The following OXTR variants were observed in gnomAD, a reference collection of about 807,000 sequenced individuals.
OXTR encodes oxytocin receptor.
Under a neutral mutation model 23.9 loss-of-function variants are expected in OXTR, and 19 were observed. The observed-to-expected ratio is 0.80, with a 90% confidence interval of 0.56 to 1.17. The LOEUF (loss-of-function observed/expected upper bound fraction) is 1.17. Ranked by LOEUF, OXTR falls within the 50% of genes most tolerant of loss-of-function variation. The probability of loss-of-function intolerance (pLI) is 0.00; values close to 1 mark genes in which losing one functional copy is unlikely to be tolerated. For synonymous variants in OXTR, 278 were observed against 250.5 expected (o/e 1.11, Z -1.04); for missense variants, 500 against 550.7 (o/e 0.91, Z 0.92).
chr3:8,742,808 T>C, the OXTR span, among the ~76,000 whole-genome samples: 2 of 152,242 alleles, frequency 1.3e-5, no homozygotes, highest in Non-Finnish European at 1.5e-5. Flanking sequence ...GGTGGATAGA[T>C]GGATAGATGA....
intron 3 of OXTR, among the ~76,000 whole-genome samples, chr3:8,765,112 G>A (rs1277012772): frequency 6.6e-6 from 1 of 152,258 alleles, no homozygotes; most frequent in Non-Finnish European, 1.5e-5. Context: ...CAGGATCTGT[G>A]TGTGTCTGTT....
chr3:8,748,847 C>CATAGA (rs1383399265), downstream of OXTR, among the ~76,000 whole-genome samples: 1 of 152,186 alleles, frequency 6.6e-6, no homozygotes, highest in East Asian at 1.9e-4. Flanking sequence ...AGTGGCAACA[C>CATAGA]ATAGACTCAA....
At chr3:8,742,665 G>C in the OXTR span, 1 of 383,172 alleles carries the variant, frequency 2.6e-6, no homozygotes, top group African/African-American at 2.1e-5. Context: ...ATTGTGCTAA[G>C]CACTGCTCAA....
At position 8,758,405 on chromosome 3, in the gene OXTR, C is replaced by T. The variant is rs151308446; in HGVS notation, c.923-5181G>A. ...AAGATCGGCTGAGTCAAAGCAAGCC[C>T]ATCAACTTCACAAAAGGCCCGCACT... is the stretch of plus-strand genomic sequence containing the variant. On this transcript the variant is annotated intron_variant, in intron 3 of 3. Coordinates refer to ENST00000316793, the MANE Select transcript of OXTR (RefSeq NM_000916.4). Among the ~76,000 whole-genome samples the T allele has an allele frequency of 7.2e-5, 11 of 152,282 alleles. No homozygotes were observed. The East Asian group carries it at 2.1e-3, about 29-fold the overall frequency.
In OXTR at chr3:8,767,960, G is replaced by A; in HGVS notation, c.228C>T (p.Phe76=). The A allele has an allele frequency of 6.2e-7, 1 of 1,613,042 alleles. No homozygotes were observed. Among genetic ancestry groups the A allele is most frequent in the Non-Finnish European group, 8.5e-7 (1 of 1,179,670 alleles). Reference sequence around the variant, plus strand: ...CGGCGATGCTTAGGTGCTTCATGAAGAAGAAGAGGCGCGAGTGCTTCTGGC... The same window carrying A: ...CGGCGATGCTTAGGTGCTTCATGAAAAAGAAGAGGCGCGAGTGCTTCTGGC... ...TTRQKHSRLF[F]FMKHLSIADL... is the part of the protein sequence containing the mutation. Residue 76 remains phenylalanine, a synonymous_variant, in exon 3 of 4, where the codon TTC becomes TTT. Transcript: ENST00000316793.
At chr3:8,743,649 C>T in the OXTR span, among the ~76,000 whole-genome samples, 1,227 of 152,274 alleles carry the variant, frequency 8.1e-3, 8 homozygotes, top group Middle Eastern at 0.027. Context: ...CACACCACCC[C>T]GAGTGAGGCC....
At chr3:8,746,067 C>T (rs1274742164), downstream of OXTR, 2 of 570,452 alleles carry the variant, frequency 3.5e-6, no homozygotes, top group South Asian at 2.2e-5. Context: ...CGCTCTCCCC[C>T]AGCCCCACCA....
chr3:8,758,941 A>G (rs1377709224), intron 3 of OXTR, among the ~76,000 whole-genome samples: 1 of 152,234 alleles, frequency 6.6e-6, no homozygotes, highest in Non-Finnish European at 1.5e-5. Flanking sequence ...GTAAAAGGTC[A>G]TATGTTAAAG....
intron 3 of OXTR, among the ~76,000 whole-genome samples, chr3:8,762,212 T>C (rs1235845405): frequency 6.6e-6 from 1 of 152,082 alleles, no homozygotes; most frequent in Admixed American, 6.5e-5. Flanking sequence ...CTTCCCCTCC[T>C]CACCCCTCCC....
intron 3 of OXTR, among the ~76,000 whole-genome samples, chr3:8,755,761 G>A (rs1367085056): frequency 6.6e-6 from 1 of 152,144 alleles, no homozygotes; most frequent in Non-Finnish European, 1.5e-5. Flanking sequence ...CAATATCCTA[G>A]TCACCCAAAG....
downstream of OXTR, among the ~76,000 whole-genome samples, chr3:8,750,074 T>G (rs1404479070): frequency 6.6e-6 from 1 of 152,224 alleles, no homozygotes; most frequent in African/African-American, 2.4e-5. Context: ...GACGTGGTCA[T>G]GTCCTAACCT....
At chr3:8,758,220 C>T (rs923062170) in intron 3 of OXTR, among the ~76,000 whole-genome samples, 19 of 152,226 alleles carry the variant, frequency 1.2e-4, no homozygotes, top group Admixed American at 1.0e-3. Context: ...CCTCAAGCCC[C>T]AAGAACTCCC....
chr3:8,767,978 C>T lies in OXTR; in HGVS notation c.210G>A (p.Lys70=), dbSNP rs771585900. Residue 70 remains lysine (K), a synonymous_variant, in exon 3 of 4, where the codon AAG becomes AAA. Coordinates refer to ENST00000316793, the MANE Select transcript of OXTR (RefSeq NM_000916.4). Reference sequence around the variant, plus strand: ...TCATGAAGAAGAAGAGGCGCGAGTGCTTCTGGCGTGTGGTGCGCAGCGCCA... The same window carrying T: ...TCATGAAGAAGAAGAGGCGCGAGTGTTTCTGGCGTGTGGTGCGCAGCGCCA... The part of the protein sequence containing the change: ...VLLALRTTRQ[K]HSRLFFFMKH... 1.9e-6 allele frequency: 3 copies of T among 1,612,232 alleles called. No homozygotes were observed. In the South Asian group the frequency reaches 3.3e-5, roughly 18 times the overall value.
intron 3 of OXTR, among the ~76,000 whole-genome samples, chr3:8,763,399 G>A (rs1368664225): frequency 6.6e-6 from 1 of 152,160 alleles, no homozygotes; most frequent in Non-Finnish European, 1.5e-5. Flanking sequence ...TTTTACCAGG[G>A]AGAGGCTGGA....
At chr3:8,762,296 A>G (rs1708504709) in intron 3 of OXTR, among the ~76,000 whole-genome samples, 1 of 152,216 alleles carries the variant, frequency 6.6e-6, no homozygotes, top group African/African-American at 2.4e-5. Context: ...GTTTGGGGTT[A>G]GCTTTTGAGT....
chr3:8,758,340 G>A (rs1708418787), intron 3 of OXTR, among the ~76,000 whole-genome samples: 1 of 152,124 alleles, frequency 6.6e-6, no homozygotes, highest in Non-Finnish European at 1.5e-5. Context: ...CTGTTCCTGA[G>A]GCTACCGGCA....
chr3:8,742,372 A>AAG, the OXTR span: 12 of 345,866 alleles, frequency 3.5e-5, no homozygotes, highest in East Asian at 8.1e-5. Context: ...AAAAAAAAAA[A>AAG]AAGAAGAAGA....
At chr3:8,745,501 AG>A, downstream of OXTR, 1 of 1,589,400 alleles carries the variant, frequency 6.3e-7, no homozygotes, top group Non-Finnish European at 8.6e-7. This position sits in a 1 kb window ranked among gnomAD's most constrained non-coding sequence, Gnocchi z 4.8. Flanking sequence ...CTGTGAGTTG[AG>A]GCTTCCCCTT....
downstream of OXTR, chr3:8,746,207 G>C (rs538468291): frequency 8.7e-6 from 2 of 230,840 alleles, no homozygotes; most frequent in African/African-American, 4.4e-5. Flanking sequence ...ACCTCTCCAC[G>C]CGCACTCAGG....
Sources: allele counts gnomAD v4.1 joint callset (sites outside exome capture counted in the v4.1 genomes callset), GRCh38; gene constraint gnomAD v4.1.1; non-coding constraint Gnocchi (gnomAD v3.1); transcripts MANE v1.5; gene names NCBI Gene and HGNC (gene_info 2026-07-23, HGNC 2026-07-21).